TAF1: variants seen among roughly 807,000 people sequenced by gnomAD.
TAF1 encodes the protein TATA-box binding protein associated factor 1.
TAF1 carries 2 observed loss-of-function variants against 138.5 expected under a neutral mutation model. The observed-to-expected ratio is 0.01, with a 90% CI of 0.01 to 0.05. TAF1 has a LOEUF of 0.05. Ranked by LOEUF, TAF1 falls within the 10% of genes least tolerant of loss-of-function variation. TAF1 has a pLI of 1.00. For synonymous variants in TAF1, 437 were observed against 503.2 expected, an observed-to-expected ratio of 0.87 and a Z score of 1.76; for missense variants, 709 against 1,478.0, an observed-to-expected ratio of 0.48 and a Z score of 8.53.
At chrX:71,384,235 G>T in intron 13 of TAF1, 100 bp downstream of exon 13, 1 of 932,869 alleles carries the variant, frequency 1.1e-6, no homozygotes, top group South Asian at 2.5e-5. Flanking sequence ...TAGCTGTAGT[G>T]AGACAAACTG....
intron 13 of TAF1, among the ~76,000 whole-genome samples, chrX:71,476,758 G>A (rs748800575): frequency 2.2e-4 from 24 of 110,722 alleles, no homozygotes; most frequent in African/African-American, 7.8e-4. Context: ...ACTTAGAAGC[G>A]GACCTGAACA....
At chrX:71,437,664 GAA>G (rs1040831124) in intron 32 of TAF1, among the ~76,000 whole-genome samples, 5 of 105,520 alleles carry the variant, frequency 4.7e-5, no homozygotes, top group African/African-American at 1.7e-4. Flanking sequence ...AAAAAAAAAA[GAA>G]AAAGAGAAAT....
chrX:71,405,360 T>C (rs2035411650), intron 25 of TAF1, among the ~76,000 whole-genome samples: 1 of 111,332 alleles, frequency 9.0e-6, no homozygotes, highest in Admixed American at 9.6e-5. Flanking sequence ...TTTGGGTTCC[T>C]TTTCCCATCC....
chrX:71,409,048 G>A (rs1391746670), intron 28 of TAF1, among the ~76,000 whole-genome samples: 1 of 110,633 alleles, frequency 9.0e-6, no homozygotes, highest in Non-Finnish European at 1.9e-5. Context: ...GACGTTCAGT[G>A]TGGATGGAAC....
chrX:71,459,176 C>G, intron 35 of TAF1: 1 of 1,079,832 alleles, frequency 9.3e-7, no homozygotes, highest in South Asian at 1.8e-5. Flanking sequence ...GTAGGCTGGG[C>G]GAGGAAGACT....
rs758066597 is a variant in TAF1, at chrX:71,460,695, G to A, written c.5291G>A (p.Arg1764His). The A allele has an allele frequency of 4.1e-5, 50 of 1,208,947 alleles. No individual in the cohort carries two copies. The highest frequency in any genetic ancestry group is 8.7e-5 in the African/African-American group (5 of 57,145). ...GSGGIRPKQP[R>H]MLQENTRMDM... is the part of the protein sequence containing the mutation. Reference sequence around the variant, plus strand: ...GGTGGAATAAGACCCAAACAACCCCGCATGCTTCAGGAGAACACAAGGATG... The same window carrying A: ...GGTGGAATAAGACCCAAACAACCCCACATGCTTCAGGAGAACACAAGGATG... Residue 1764 changes from arginine to histidine, a missense_variant, in exon 37 of 38, where the codon CGC (arginine) becomes CAC (histidine). Around this residue, in one of 14 missense-constraint regions of TAF1, gnomAD observed 123 missense variants for 174.7 expected, o/e 0.70. Transcript: ENST00000423759.
chrX:71,434,099 C>G (rs1482082375), intron 32 of TAF1, among the ~76,000 whole-genome samples: 1 of 111,783 alleles, frequency 8.9e-6, no homozygotes, highest in Admixed American at 9.5e-5. Context: ...CTGGGTGCAG[C>G]GGCTCACTCC....
intron 13 of TAF1, among the ~76,000 whole-genome samples, chrX:71,525,589 G>C (rs1318255809): frequency 9.0e-6 from 1 of 111,194 alleles, no homozygotes; most frequent in East Asian, 2.8e-4. Flanking sequence ...CTGATTCAGA[G>C]AATAAAAAGA....
intron 25 of TAF1, among the ~76,000 whole-genome samples, chrX:71,405,412 G>A (rs28382187): frequency 0.016 from 1,776 of 111,988 alleles, 29 homozygotes; most frequent in African/African-American, 0.056. Flanking sequence ...GTGCAGTGGT[G>A]CAATCTCAGT....
chrX:71,469,597 C>T (rs928663110), downstream of TAF1, among the ~76,000 whole-genome samples: 1 of 107,263 alleles, frequency 9.3e-6, no homozygotes, highest in Non-Finnish European at 1.9e-5. Flanking sequence ...TCGGGAGGCT[C>T]GGGTGGGAGG....
chrX:71,491,019 TTTGTTGTTGTTG>T (rs1298417106), intron 13 of TAF1: 3 of 101,692 alleles, frequency 3.0e-5, no homozygotes, highest in African/African-American at 7.7e-5. Context: ...GCTGGGTTTT[TTTGTTGTTGTTG>T]TTGTTGTTGT....
chrX:71,407,553 T>C (rs775141618), intron 26 of TAF1, 21 bp from the exon 27 acceptor site: 4 of 1,200,234 alleles, frequency 3.3e-6, no homozygotes, highest in South Asian at 3.5e-5. Flanking sequence ...GGAAGCATTC[T>C]GATTTCACAT....
chrX:71,391,180 C>T (rs1407842410), intron 18 of TAF1, among the ~76,000 whole-genome samples: 1 of 111,089 alleles, frequency 9.0e-6, no homozygotes, highest in Non-Finnish European at 1.9e-5. Flanking sequence ...ACTTGGTTGG[C>T]TGTTTTTCCC....
downstream of TAF1, among the ~76,000 whole-genome samples, chrX:71,469,595 C>G (rs981417775): frequency 1.8e-5 from 2 of 108,998 alleles, no homozygotes; most frequent in African/African-American, 6.6e-5. Flanking sequence ...ACTCGGGAGG[C>G]TCGGGTGGGA....
chrX:71,446,033 C>T (rs1331869601), intron 32 of TAF1, among the ~76,000 whole-genome samples: 3 of 108,981 alleles, frequency 2.8e-5, no homozygotes, highest in African/African-American at 1.0e-4. Context: ...GCCTCAGCCT[C>T]CCAAGTAACT....
intron 18 of TAF1, among the ~76,000 whole-genome samples, chrX:71,390,583 C>G (rs2034500043): frequency 1.8e-5 from 2 of 111,759 alleles, no homozygotes. Flanking sequence ...GTGGTGAGAT[C>G]ACAGCTCACT....
At chrX:71,419,992 T>A in intron 28 of TAF1, 1 of 273,818 alleles carries the variant, frequency 3.7e-6, no homozygotes, top group Non-Finnish European at 6.6e-6. Flanking sequence ...CAAGGTCATC[T>A]TCTGTTTTTT....
intron 28 of TAF1, among the ~76,000 whole-genome samples, chrX:71,418,191 C>G (rs1333734832): frequency 8.9e-6 from 1 of 111,732 alleles, no homozygotes; most frequent in Non-Finnish European, 1.9e-5. Context: ...CCTCCTGGGC[C>G]GAAGCAATCC....
chrX:71,452,153 G>A (rs1265495337), intron 32 of TAF1, among the ~76,000 whole-genome samples: 3 of 106,863 alleles, frequency 2.8e-5, no homozygotes, highest in Non-Finnish European at 5.9e-5. Context: ...CTGGCCGGGC[G>A]GGGGGCTGAC....
Sources: gnomAD v4.1 joint callset for allele counts (sites outside exome capture counted in the v4.1 genomes callset) on GRCh38, gnomAD v4.1.1 for gene constraint, gnomAD v4.1.1 regional missense constraint, MANE v1.5 for transcripts, NCBI Gene and HGNC (gene_info 2026-07-23, HGNC 2026-07-21) for gene names.